Variants in SGCD observed in about 807,000 individuals in gnomAD.
SGCD encodes delta-sarcoglycan.
A neutral mutation model predicts 36.6 loss-of-function variants in SGCD; 18 were observed. The observed-to-expected ratio is 0.49, with a 90% CI of 0.34 to 0.73. The LOEUF (loss-of-function observed/expected upper bound fraction) is 0.73. SGCD is among the 30% of genes least tolerant of loss of function. The pLI is 0.01. For missense variants in SGCD, 387 were observed against 346.7 expected, an observed-to-expected ratio of 1.12 and a Z score of -0.92; for synonymous variants, 133 against 130.6, an observed-to-expected ratio of 1.02 and a Z score of -0.12.
At chr5:156,374,987 C>CT (rs1331636473) in intron 3 of SGCD, among the ~76,000 whole-genome samples, 3 of 152,168 alleles carry the variant, frequency 2.0e-5, no homozygotes, top group Non-Finnish European at 4.4e-5. Context: ...TCTTCACAGT[C>CT]TTTTTTGTTT....
chr5:156,471,756 T>TA (rs1754973098), intron 3 of SGCD, among the ~76,000 whole-genome samples: 1 of 151,894 alleles, frequency 6.6e-6, no homozygotes, highest in Non-Finnish European at 1.5e-5. Context: ...TCTTAGGACA[T>TA]AAAAAAGCAC....
At chr5:156,200,895 A>C (rs1195508887) in intron 3 of SGCD, among the ~76,000 whole-genome samples, 1 of 152,208 alleles carries the variant, frequency 6.6e-6, no homozygotes, top group Non-Finnish European at 1.5e-5. Context: ...ATACAGTGGA[A>C]TATTATGCAG....
Position 156,073,788 on chromosome 5 carries a change from G to A in SGCD, c.-281-44090G>A, listed in dbSNP as rs551677633. 5.9e-5 allele frequency among the ~76,000 whole-genome samples: 9 copies of A among 152,320 alleles called. No homozygotes were observed. In the East Asian group the frequency reaches 1.7e-3, roughly 29 times the overall value. The stretch of plus-strand genomic sequence containing the variant: ...CCAGGTAAAGCAGTCAATTTCACCT[G>A]TGCTTTTAGCCACAGGGGTTTTCTT... On this transcript the variant is annotated intron_variant, in intron 1 of 9. Coordinates refer to the SGCD transcript ENST00000517913.
At chr5:156,600,816 A>G (rs1323895586) in intron 6 of SGCD, among the ~76,000 whole-genome samples, 2 of 152,014 alleles carry the variant, frequency 1.3e-5, no homozygotes, top group African/African-American at 4.8e-5. Flanking sequence ...CCCTTTTTTT[A>G]CATCCTCATC....
At chr5:156,146,528 G>C (rs1762713184) in intron 3 of SGCD, among the ~76,000 whole-genome samples, 1 of 152,152 alleles carries the variant, frequency 6.6e-6, no homozygotes, top group African/African-American at 2.4e-5. Context: ...TGAGGTTAAT[G>C]AAACAAGACA....
chr5:156,189,503 A>G (rs940765780), intron 3 of SGCD, among the ~76,000 whole-genome samples: 2 of 152,216 alleles, frequency 1.3e-5, no homozygotes, highest in African/African-American at 4.8e-5. Context: ...ATGAGTATAA[A>G]GATCATTTAA....
At chr5:155,952,879 C>G (rs1273244197) in intron 1 of SGCD, among the ~76,000 whole-genome samples, 3 of 152,168 alleles carry the variant, frequency 2.0e-5, no homozygotes, top group African/African-American at 7.2e-5. Flanking sequence ...CTGGTGCCAG[C>G]ATGGGGCTTT....
chr5:156,763,099 C>T lies in SGCD; in HGVS notation c.*3709C>T, dbSNP rs1757526817. 1 of 152,610 alleles carries T rather than the reference C, an allele frequency of 6.6e-6. No individual in the cohort carries two copies. Among genetic ancestry groups the T allele is most frequent in the South Asian group, 2.1e-4 (1 of 4,830 alleles). 9.5% of individuals were successfully genotyped at this position (152,610 alleles called of 1,614,324 possible). ...TTAATGGAAAAGGAAAGTTATGATC[C>T]TCCAAGACCCTTAATTGATAGACCA... is the stretch of plus-strand genomic sequence containing the variant. On this transcript the variant is annotated 3_prime_UTR_variant, in exon 9 of 9. Coordinates refer to ENST00000337851, the MANE Select transcript of SGCD (RefSeq NM_000337.6).
At chr5:155,756,744 C>T in the SGCD span, among the ~76,000 whole-genome samples, 1 of 152,158 alleles carries the variant, frequency 6.6e-6, no homozygotes, top group Non-Finnish European at 1.5e-5. Context: ...AGGTATGGCT[C>T]ATGAATATTA....
intron 2 of SGCD, among the ~76,000 whole-genome samples, chr5:156,341,309 C>T (rs1768639449): frequency 6.6e-6 from 1 of 152,058 alleles, no homozygotes; most frequent in South Asian, 2.1e-4. Context: ...AGGAACTCCA[C>T]TTTTTTTATT....
At chr5:156,010,793 G>C (rs552708468) in intron 1 of SGCD, among the ~76,000 whole-genome samples, 1 of 152,290 alleles carries the variant, frequency 6.6e-6, no homozygotes, top group South Asian at 2.1e-4. Context: ...TAGCTGCCAT[G>C]TAGAAGGTTA....
At chr5:156,346,200 A>G (rs1267399787) in intron 3 of SGCD, among the ~76,000 whole-genome samples, 1 of 148,650 alleles carries the variant, frequency 6.7e-6, no homozygotes, top group African/African-American at 2.5e-5. Context: ...ATTTGTGGTA[A>G]CAGGAAACCA....
chr5:155,899,242 T>C (rs567985855), intron 1 of SGCD, among the ~76,000 whole-genome samples: 54 of 152,334 alleles, frequency 3.5e-4, no homozygotes, highest in African/African-American at 1.1e-3. Context: ...GGAAGTCATA[T>C]GAAAGAGGAA....
At chr5:156,215,121 T>C (rs1764540505) in intron 3 of SGCD, among the ~76,000 whole-genome samples, 1 of 152,058 alleles carries the variant, frequency 6.6e-6, no homozygotes, top group South Asian at 2.1e-4. Context: ...TCTTAGAATG[T>C]GGGATGCTCA....
At chr5:156,628,676 A>G (rs1220559752) in intron 6 of SGCD, among the ~76,000 whole-genome samples, 6 of 152,218 alleles carry the variant, frequency 3.9e-5, no homozygotes, top group Non-Finnish European at 7.3e-5. Context: ...TACTTCTGCC[A>G]TTCTAATCAC....
chr5:156,130,375 G>A (rs1189941600), intron 3 of SGCD, among the ~76,000 whole-genome samples: 1 of 152,096 alleles, frequency 6.6e-6, no homozygotes, highest in Non-Finnish European at 1.5e-5. Flanking sequence ...TGTAGATGCT[G>A]GACATTAGAC....
intron 3 of SGCD, among the ~76,000 whole-genome samples, chr5:156,373,405 C>T (rs2127741513): frequency 6.6e-6 from 1 of 152,298 alleles, no homozygotes; most frequent in Admixed American, 6.5e-5. Flanking sequence ...TACCTTTAAT[C>T]ACTTAAAAGT....
chr5:156,404,773 A>G (rs1196500608), intron 3 of SGCD, among the ~76,000 whole-genome samples: 9 of 152,232 alleles, frequency 5.9e-5, no homozygotes. Context: ...CCTTTAAAAT[A>G]TTTTGGTATG....
chr5:156,098,320 T>G (rs953316552), intron 1 of SGCD, among the ~76,000 whole-genome samples: 1 of 152,096 alleles, frequency 6.6e-6, no homozygotes, highest in Non-Finnish European at 1.5e-5. Flanking sequence ...TATTGTGAGG[T>G]GTTGGTTGAC....
Sources: allele counts gnomAD v4.1 joint callset (sites outside exome capture counted in the v4.1 genomes callset), GRCh38; gene constraint gnomAD v4.1.1; transcripts MANE v1.5; gene names NCBI Gene and HGNC (gene_info 2026-07-23, HGNC 2026-07-21).